Variants in DLGAP4 observed in about 807,000 individuals in gnomAD.
DLGAP4 encodes the protein DLG associated protein 4, also known as disks large-associated protein 4.
Under a neutral mutation model 86.9 loss-of-function variants are expected in DLGAP4, and 18 were observed. The observed-to-expected ratio is 0.21, with a 90% confidence interval of 0.14 to 0.31. The LOEUF (loss-of-function observed/expected upper bound fraction) is 0.31. Ranked by LOEUF, DLGAP4 falls within the 10% of genes least tolerant of loss-of-function variation. DLGAP4 has a pLI of 1.00. For missense variants in DLGAP4, 1,085 were observed against 1,362.6 expected (o/e 0.80, Z 3.21); for synonymous variants, 548 against 574.3 (o/e 0.95, Z 0.65).
At chr20:36,374,435 C>T (rs941299344) in intron 2 of DLGAP4, among the ~76,000 whole-genome samples, 3 of 152,218 alleles carry the variant, frequency 2.0e-5, no homozygotes, top group Non-Finnish European at 4.4e-5. Flanking sequence ...AGTCCCAGAG[C>T]ATGTGGTGGG....
chr20:36,374,837 C>T (rs757667025), intron 2 of DLGAP4, among the ~76,000 whole-genome samples: 1 of 152,242 alleles, frequency 6.6e-6, no homozygotes, highest in Non-Finnish European at 1.5e-5. Flanking sequence ...TCCACAATCC[C>T]GGCACTGCAG....
chr20:36,500,101 CT>C lies in DLGAP4; in HGVS notation c.2100-97del. 7.4e-7 allele frequency: 1 copy of C among 1,347,902 alleles called. No homozygotes were observed. Among genetic ancestry groups the C allele is most frequent in the Non-Finnish European group, 1.0e-6 (1 of 989,472 alleles). The allele number at this position is 1,347,902 out of a possible 1,614,324, so 83.5% of individuals were successfully genotyped here. On this transcript the variant is annotated intron_variant, in intron 9 of 12. Transcript: ENST00000339266. This position sits in a 1 kb window ranked among gnomAD's most constrained non-coding sequence, Gnocchi z 4.6. ...GTGAGCAGATGATGCATCCGTTTCT[CT>C]GTCTCCCGTGTGTCCGGGTCAAGGC...
At chr20:36,469,770 A>AAG (rs2034578698) in intron 7 of DLGAP4, among the ~76,000 whole-genome samples, 1 of 151,304 alleles carries the variant, frequency 6.6e-6, no homozygotes, top group African/African-American at 2.4e-5. Context: ...AAAAAAAAAA[A>AAG]GTAACAAAAG....
chr20:36,432,443 C>T lies in DLGAP4; in HGVS notation c.726C>T (p.Phe242=), dbSNP rs1359416790. 3 of 1,613,896 alleles carry T rather than the reference C, an allele frequency of 1.9e-6. No individual in the cohort carries two copies. The South Asian group carries it at 3.3e-5, about 18-fold the overall frequency. Residue 242 remains phenylalanine (F), a synonymous_variant, in exon 3 of 13, where the codon TTC becomes TTT. Coordinates refer to ENST00000339266, the MANE Select transcript of DLGAP4 (RefSeq NM_001365621.2). The surrounding 1 kb of genome is among the most constrained non-coding windows in gnomAD (Gnocchi z 6.5). The part of the protein sequence containing the change: ...RQAERSQPRY[F]MHAYNTISGH... ...CAGAACGCAGCCAGCCACGCTACTTCATGCACGCCTACAACACCATCAGTG... is the reference window on the plus strand; with the variant it reads ...CAGAACGCAGCCAGCCACGCTACTTTATGCACGCCTACAACACCATCAGTG...
intron 7 of DLGAP4, among the ~76,000 whole-genome samples, chr20:36,475,742 T>C (rs959039626): frequency 6.6e-6 from 1 of 152,202 alleles, no homozygotes; most frequent in Non-Finnish European, 1.5e-5. Context: ...AATATTTTAT[T>C]TGTGACTTTT....
intron 1 of DLGAP4, among the ~76,000 whole-genome samples, chr20:36,338,819 C>CT (rs1473600168): frequency 1.1e-4 from 16 of 152,224 alleles, no homozygotes; most frequent in Non-Finnish European, 2.2e-4. Flanking sequence ...GCCATTTGAG[C>CT]TAAACCCTGA....
intron 1 of DLGAP4, among the ~76,000 whole-genome samples, chr20:36,334,062 A>G (rs1240182753): frequency 6.6e-6 from 1 of 152,202 alleles, no homozygotes; most frequent in Non-Finnish European, 1.5e-5. Context: ...TTCAGCAAAC[A>G]CAGATTGAGC....
chr20:36,392,964 G>C lies in DLGAP4; in HGVS notation c.-73+25689G>C, dbSNP rs116783849. Reference sequence around the variant, plus strand: ...AGAAGCCACACGAGGGTCTGGGGCAGAGCATTCCTGGTAGAGGGAACAGCC... The same window carrying C: ...AGAAGCCACACGAGGGTCTGGGGCACAGCATTCCTGGTAGAGGGAACAGCC... On this transcript the variant is annotated intron_variant, in intron 2 of 12. Coordinates refer to ENST00000339266, the MANE Select transcript of DLGAP4 (RefSeq NM_001365621.2). Among the ~76,000 whole-genome samples, 1,040 of 152,178 alleles carry C rather than the reference G, an allele frequency of 6.8e-3. 14 individuals are homozygous for C. The highest frequency in any genetic ancestry group is 0.024 in the African/African-American group (998 of 41,510).
rs566445120 is a variant in DLGAP4, at chr20:36,432,784, C to T, written c.999+68C>T. The T allele has an allele frequency of 5.1e-5, 80 of 1,554,680 alleles. No individual in the cohort carries two copies. The African/African-American group carries it at 7.4e-4, about 14-fold the overall frequency. On this transcript the variant is annotated intron_variant, in intron 3 of 12. Transcript: ENST00000339266. This position sits in a 1 kb window ranked among gnomAD's most constrained non-coding sequence, Gnocchi z 6.5. ...GACGGCACCAGTTTTGAGGCCTAGA[C>T]GTACCACAGATTCACTTGGAAAGTC...
intron 2 of DLGAP4, among the ~76,000 whole-genome samples, chr20:36,423,067 G>A (rs748567415): frequency 7.2e-5 from 11 of 152,138 alleles, no homozygotes; most frequent in Non-Finnish European, 1.5e-4. Flanking sequence ...TGCTCAGACC[G>A]TCCTCATTCA....
chr20:36,331,959 C>T (rs1229182751), intron 1 of DLGAP4, among the ~76,000 whole-genome samples: 2 of 145,608 alleles, frequency 1.4e-5, no homozygotes, highest in East Asian at 2.0e-4. Context: ...TGTTCAGATG[C>T]GGCTGGAAAA....
chr20:36,513,249 T>A (rs551844947), intron 10 of DLGAP4, among the ~76,000 whole-genome samples: 1 of 152,056 alleles, frequency 6.6e-6, no homozygotes, highest in East Asian at 1.9e-4. Context: ...TGACATACTT[T>A]TTTAAAGAAT....
intron 10 of DLGAP4, among the ~76,000 whole-genome samples, chr20:36,513,602 C>T (rs777733795): frequency 2.7e-5 from 4 of 150,244 alleles, no homozygotes; most frequent in Non-Finnish European, 5.9e-5. Flanking sequence ...CTTCTCTATC[C>T]AAATGAGAAC....
chr20:36,433,567 C>T (rs1018381324), intron 3 of DLGAP4, among the ~76,000 whole-genome samples: 1 of 152,082 alleles, frequency 6.6e-6, no homozygotes, highest in Non-Finnish European at 1.5e-5. Context: ...GAAGGAGCTG[C>T]TTCTGCAGGT....
Position 36,469,675 on chromosome 20 carries a change from C to T in DLGAP4, c.1648+22738C>T, listed in dbSNP as rs976665979. On this transcript the variant is annotated intron_variant, in intron 7 of 12. Transcript: ENST00000339266. ...GGCTGAGGCGGGAGAATTGCTTGAA[C>T]CCGGGAGGTGGAGGTTGCAGTGAGC... Among the ~76,000 whole-genome samples, 3 of 151,676 alleles carry T rather than the reference C, an allele frequency of 2.0e-5. No homozygotes were observed. In the East Asian group the frequency reaches 5.8e-4, roughly 29 times the overall value.
In DLGAP4 at chr20:36,527,256, A is replaced by C. The variant is rs138969432; in HGVS notation, c.*225A>C. On this transcript the variant is annotated 3_prime_UTR_variant, in exon 13 of 13. Transcript: ENST00000339266. ...CAAAAAAAATCAACAAAAATCACGA[A>C]ACTAGAAAACTTTTTTTTTCCTCTT... 39 of 460,500 alleles carry C rather than the reference A, an allele frequency of 8.5e-5. No individual in the cohort carries two copies. Among genetic ancestry groups the C allele is most frequent in the Non-Finnish European group, 1.5e-4 (39 of 262,686 alleles). 28.5% of individuals were successfully genotyped at this position (460,500 alleles called of 1,614,324 possible). A position where few individuals can be genotyped will look rare whatever the true frequency, so the allele number is the denominator to read the frequency against.
intron 7 of DLGAP4, chr20:36,461,430 A>C (rs1203926433): frequency 1.2e-5 from 11 of 932,932 alleles, no homozygotes; most frequent in Middle Eastern, 5.5e-4. Context: ...GGGGCGGGGC[A>C]GGTGCGGGAC....
intron 7 of DLGAP4, among the ~76,000 whole-genome samples, chr20:36,454,842 G>A (rs757876273): frequency 1.3e-5 from 2 of 152,188 alleles, no homozygotes; most frequent in Non-Finnish European, 2.9e-5. Context: ...CTGCCTGCCC[G>A]CCCACCCACG....
At chr20:36,349,434 A>T (rs1206926897) in intron 1 of DLGAP4, among the ~76,000 whole-genome samples, 2 of 151,434 alleles carry the variant, frequency 1.3e-5, no homozygotes, top group African/African-American at 4.8e-5. Context: ...AAAAAAAAAA[A>T]GTGAGATGGA....
Sources: allele counts gnomAD v4.1 joint callset (sites outside exome capture counted in the v4.1 genomes callset), GRCh38; gene constraint gnomAD v4.1.1; non-coding constraint Gnocchi (gnomAD v3.1); transcripts MANE v1.5; gene names NCBI Gene and HGNC (gene_info 2026-07-23, HGNC 2026-07-21).